The following SMG8 variants were observed in gnomAD, a reference collection of about 807,000 sequenced individuals.
The protein encoded by SMG8 is nonsense-mediated mRNA decay factor SMG8.
In SMG8, 49 loss-of-function variants were observed where a neutral mutation model predicts 82.1. That is an observed-to-expected ratio of 0.60 (90% CI 0.47 to 0.76). The LOEUF (loss-of-function observed/expected upper bound fraction) is 0.76. Ranked by LOEUF, SMG8 falls within the 30% of genes least tolerant of loss-of-function variation. The probability of loss-of-function intolerance (pLI) is 0.00; values close to 1 mark genes in which losing one functional copy is unlikely to be tolerated. For missense variants in SMG8, 969 were observed against 1,166.4 expected (o/e 0.83, Z 2.46); for synonymous variants, 404 against 430.0 (o/e 0.94, Z 0.75).
chr17:59,213,392 C>G lies in SMG8; in HGVS notation c.2569C>G (p.Arg857Gly). Residue 857 changes from arginine to glycine, a missense_variant, in exon 3 of 4, where the codon CGG (arginine) becomes GGG (glycine). By Grantham distance (125) the Arg-to-Gly change is moderately radical. Around this residue, in one of 3 missense-constraint regions of SMG8, gnomAD observed 662 missense variants for 884.8 expected, o/e 0.75. Coordinates refer to ENST00000300917, the MANE Select transcript of SMG8 (RefSeq NM_018149.7). ...CTTTGAATATGAAGACTCTCGAGGTCGGAGATTCATGTGCTCTGGGCCTGA... is the reference window on the plus strand; with the variant it reads ...CTTTGAATATGAAGACTCTCGAGGTGGGAGATTCATGTGCTCTGGGCCTGA... ...VGFEYEDSRG[R>G]RFMCSGPDKV... 1 of 1,614,006 alleles carries G rather than the reference C, an allele frequency of 6.2e-7. No individual in the cohort carries two copies. Among genetic ancestry groups the G allele is most frequent in the South Asian group, 1.1e-5 (1 of 91,058 alleles).
rs143376344 is a variant in SMG8, at chr17:59,210,455, A to G, written c.404A>G (p.Tyr135Cys). The change falls in exon 1 of 4, where the codon TAC (tyrosine) becomes TGC (cysteine). Residue 135 changes from tyrosine (Y) to cysteine (C), a missense_variant. Tyr to Cys is a radical substitution (Grantham distance 194). Around this residue, in one of 3 missense-constraint regions of SMG8, gnomAD observed 206 missense variants for 190.5 expected, o/e 1.08. Coordinates refer to ENST00000300917, the MANE Select transcript of SMG8 (RefSeq NM_018149.7). ...CGAACTGAGGCAGGCTCCCAGGACT[A>G]CAGCCTTCTGCAGGCCTACTACAGT... The part of the protein sequence containing the change: ...GNRTEAGSQD[Y>C]SLLQAYYSQE... The G allele has an allele frequency of 3.2e-5, 52 of 1,606,120 alleles. No individual in the cohort carries two copies. In the African/African-American group the frequency reaches 6.4e-4, roughly 20 times the overall value.
In SMG8 at chr17:59,210,038, G is replaced by A. The variant is rs752301549; in HGVS notation, c.-14G>A. On this transcript the variant is annotated 5_prime_UTR_variant, in exon 1 of 4. Transcript: ENST00000300917. ...ACTAACGGACCGGAAGGACTCTAGA[G>A]AACGCTCTGCACTATGGCTGGTCCC... 6.0e-6 allele frequency: 9 copies of A among 1,502,908 alleles called. No individual in the cohort carries two copies. The Admixed American group carries it at 7.1e-5, about 12-fold the overall frequency. The allele number at this position is 1,502,908 out of a possible 1,614,324, so 93.1% of individuals were successfully genotyped here. A position where few individuals can be genotyped will look rare whatever the true frequency, so the allele number is the denominator to read the frequency against.
chr17:59,213,685 C>T (rs2046955473), intron 3 of SMG8, 84 bp downstream of exon 3: 2 of 1,480,858 alleles, frequency 1.4e-6, no homozygotes, highest in Non-Finnish European at 9.0e-7. Flanking sequence ...TACAAGTTAG[C>T]CTCAAAACTA....
rs188725649 is a variant in SMG8, at chr17:59,210,372, C to T, written c.321C>T (p.Asp107=). ...GAVGEAGGAE[D]PGAAAGGSVR... ...TGGGTGAGGCCGGTGGAGCCGAGGA[C>T]CCTGGGGCTGCAGCCGGGGGTTCAG... Residue 107 remains aspartate (D), a synonymous_variant, in exon 1 of 4, where the codon GAC becomes GAT. Transcript: ENST00000300917. 9.3e-6 allele frequency: 15 copies of T among 1,610,510 alleles called. No individual in the cohort carries two copies. Among genetic ancestry groups the T allele is most frequent in the Middle Eastern group, 3.3e-4 (2 of 6,034 alleles).
At chr17:59,213,696 A>ATTATTTCAGGCGTTAGCCTCAAAACTAG in intron 3 of SMG8, 95 bp downstream of exon 3, 1 of 1,457,158 alleles carries the variant, frequency 6.9e-7, no homozygotes, top group Non-Finnish European at 9.2e-7. Context: ...CTCAAAACTA[A>ATTATTTCAGGCGTTAGCCTCAAAACTAG]TTATTTCAGG....
chr17:59,210,594 T>G lies in SMG8; in HGVS notation c.543T>G (p.Pro181=). 1 of 1,598,608 alleles carries G rather than the reference T, an allele frequency of 6.3e-7. No homozygotes were observed. The highest frequency in any genetic ancestry group is 8.5e-7 in the Non-Finnish European group (1 of 1,173,358). ...SGEAGGGLSL[P]HAEAHEFWKH... ...AAGCTGGAGGTGGACTCTCTTTACC[T>G]CATGCAGAAGCACACGAGTTCTGGA... Residue 181 remains proline (P), a synonymous_variant, in exon 1 of 4, where the codon CCT becomes CCG. Coordinates refer to ENST00000300917, the MANE Select transcript of SMG8 (RefSeq NM_018149.7).
rs2046940179 is a variant in SMG8, at chr17:59,210,396, A to G, written c.345A>G (p.Ser115=). The G allele has an allele frequency of 6.2e-7, 1 of 1,610,446 alleles. No individual in the cohort carries two copies. Among genetic ancestry groups the G allele is most frequent in the African/African-American group, 1.3e-5 (1 of 74,934 alleles). ...ACCCTGGGGCTGCAGCCGGGGGTTCAGTTCGGGGAAGTGGAGCTGTCGCGG... is the reference window on the plus strand; with the variant it reads ...ACCCTGGGGCTGCAGCCGGGGGTTCGGTTCGGGGAAGTGGAGCTGTCGCGG... ...AEDPGAAAGG[S]VRGSGAVAEG... The change falls in exon 1 of 4, where the codon TCA becomes TCG. Residue 115 remains serine, a synonymous_variant. Coordinates refer to ENST00000300917, the MANE Select transcript of SMG8 (RefSeq NM_018149.7).
At position 59,213,609 on chromosome 17, in the gene SMG8, A is replaced by T; in HGVS notation, c.2778+8A>T. On this transcript the variant is annotated splice_region_variant and intron_variant, in intron 3 of 3. Transcript: ENST00000300917. ...ATAATACTAATGCCTCAGGTAAGAA[A>T]TATAACCCTCTGCAGCCCCAAACAA... 1 of 1,584,740 alleles carries T rather than the reference A, an allele frequency of 6.3e-7. No homozygotes were observed. The highest frequency in any genetic ancestry group is 2.2e-5 in the East Asian group (1 of 44,670).
Position 59,210,357 on chromosome 17 carries a change from C to G in SMG8, c.306C>G (p.Ala102=). 1 of 1,611,460 alleles carries G rather than the reference C, an allele frequency of 6.2e-7. No individual in the cohort carries two copies. Residue 102 remains alanine, a synonymous_variant, in exon 1 of 4, where the codon GCC becomes GCG. Coordinates refer to ENST00000300917, the MANE Select transcript of SMG8 (RefSeq NM_018149.7). ...CTGAGGCTGGCGCCGTGGGTGAGGC[C>G]GGTGGAGCCGAGGACCCTGGGGCTG... The part of the protein sequence containing the change: ...IRTEAGAVGE[A]GGAEDPGAAA...
At position 59,212,910 on chromosome 17, in the gene SMG8, C is replaced by CT; in HGVS notation, c.2090dup (p.Leu697PhefsTer9). The CT allele has an allele frequency of 6.2e-7, 1 of 1,614,090 alleles. No individual in the cohort carries two copies. Among genetic ancestry groups the CT allele is most frequent in the Non-Finnish European group, 8.5e-7 (1 of 1,180,026 alleles). Reference sequence around the variant, plus strand: ...GGAGAGAGCACGAGCCTGAGTTTAGCTTTGAGTTTGGGCCAATCCACAGAT... The same window carrying CT: ...GGAGAGAGCACGAGCCTGAGTTTAGCTTTTGAGTTTGGGCCAATCCACAGAT... On this transcript the variant is annotated frameshift_variant, in exon 3 of 4. Transcript: ENST00000300917. LOFTEE classifies it high-confidence loss of function.
chr17:59,212,161 A>C, intron 1 of SMG8, 180 bp from the exon 2 acceptor site: 1 of 469,254 alleles, frequency 2.1e-6, no homozygotes, highest in East Asian at 3.3e-5. Context: ...AGGAGGAAAA[A>C]TTCACTTAAA....
In SMG8 at chr17:59,211,287, A is replaced by G. The variant is rs929580342; in HGVS notation, c.1236A>G (p.Glu412=). 1.9e-6 allele frequency: 3 copies of G among 1,613,940 alleles called. No individual in the cohort carries two copies. The highest frequency in any genetic ancestry group is 2.5e-6 in the Non-Finnish European group (3 of 1,179,958). ...SGQLVDFTLR[E]FLWQHVELVL... ...AGCTAGTGGATTTCACTCTTCGGGA[A>G]TTCCTATGGCAGCATGTGGAGCTAG... The change falls in exon 1 of 4, where the codon GAA becomes GAG. Residue 412 remains glutamate, a synonymous_variant. Transcript: ENST00000300917.
At position 59,213,602 on chromosome 17, in the gene SMG8, G is replaced by A; in HGVS notation, c.2778+1G>A. ...TTTGCAGATAATACTAATGCCTCAG[G>A]TAAGAAATATAACCCTCTGCAGCCC... On this transcript the variant is annotated splice_donor_variant, in intron 3 of 3. Coordinates refer to ENST00000300917, the MANE Select transcript of SMG8 (RefSeq NM_018149.7). LOFTEE classifies it high-confidence loss of function. 6.3e-7 allele frequency: 1 copy of A among 1,595,100 alleles called. No individual in the cohort carries two copies. The highest frequency in any genetic ancestry group is 8.5e-7 in the Non-Finnish European group (1 of 1,173,318).
chr17:59,210,084 A>G lies in SMG8; in HGVS notation c.33A>G (p.Leu11=). 1.3e-6 allele frequency: 2 copies of G among 1,578,126 alleles called. No individual in the cohort carries two copies. Among genetic ancestry groups the G allele is most frequent in the Non-Finnish European group, 1.7e-6 (2 of 1,165,284 alleles). MAGPVSLRDL[L]MGASAWMGSE... ...GTCCCGTGAGCTTGCGAGACCTTCT[A>G]ATGGGAGCATCAGCCTGGATGGGCT... Residue 11 remains leucine (L), a synonymous_variant, in exon 1 of 4, where the codon CTA becomes CTG. Transcript: ENST00000300917.
At chr17:59,213,934 C>T (rs924612276) in intron 3 of SMG8, among the ~76,000 whole-genome samples, 2 of 151,988 alleles carry the variant, frequency 1.3e-5, no homozygotes, top group Non-Finnish European at 2.9e-5. Flanking sequence ...TATTTTAATC[C>T]GTTCATGCTA....
Position 59,210,917 on chromosome 17 carries a change from A to G in SMG8, c.866A>G (p.Asp289Gly), listed in dbSNP as rs754454602. ...CGGAACCAAGACCCAGCTCATCCAG[A>G]CAAGCCCAAGAAACATTCTCCCAAA... Reference protein sequence around the residue: ...PPRNQDPAHPDKPKKHSPKRR... With the variant: ...PPRNQDPAHPGKPKKHSPKRR... Residue 289 changes from aspartate (D) to glycine (G), a missense_variant, in exon 1 of 4, where the codon GAC (aspartate) becomes GGC (glycine). Around this residue, in one of 3 missense-constraint regions of SMG8, gnomAD observed 662 missense variants for 884.8 expected, o/e 0.75. Transcript: ENST00000300917. The G allele has an allele frequency of 6.2e-7, 1 of 1,614,166 alleles. No individual in the cohort carries two copies. The highest frequency in any genetic ancestry group is 8.5e-7 in the Non-Finnish European group (1 of 1,180,040).
At position 59,211,733 on chromosome 17, in the gene SMG8, A is replaced by G. The variant is rs2046946792; in HGVS notation, c.1682A>G (p.Asn561Ser). Reference protein sequence around the residue: ...LHEDCYKFWSNGHQLCEERSL... With the variant: ...LHEDCYKFWSSGHQLCEERSL... ...GAGGACTGCTACAAATTTTGGAGCAATGGCCATCAGCTCTGTGAGGAGAGG... is the reference window on the plus strand; with the variant it reads ...GAGGACTGCTACAAATTTTGGAGCAGTGGCCATCAGCTCTGTGAGGAGAGG... Residue 561 changes from asparagine to serine, a missense_variant, in exon 1 of 4, where the codon AAT becomes AGT. Asn to Ser is a conservative substitution (Grantham distance 46). Transcript: ENST00000300917. The G allele has an allele frequency of 1.2e-6, 2 of 1,613,152 alleles. No individual in the cohort carries two copies. The highest frequency in any genetic ancestry group is 1.7e-6 in the Non-Finnish European group (2 of 1,179,752).
rs1357563716 is a variant in SMG8 at position 59,212,717 on chromosome 17, TACCC to T, written c.1906-11_1906-8del. 6.4e-7 allele frequency: 1 copy of T among 1,568,840 alleles called. No individual in the cohort carries two copies. Among genetic ancestry groups the T allele is most frequent in the Admixed American group, 2.1e-5 (1 of 47,296 alleles). ...GAAAAACTTACTGGATTTTTTTTCTTACCCTCTATAGCTTCTGGAAGAAAAGTGT... is the reference window on the plus strand; with the variant it reads ...GAAAAACTTACTGGATTTTTTTTCTTTCTATAGCTTCTGGAAGAAAAGTGT... On this transcript the variant is annotated splice_region_variant and splice_polypyrimidine_tract_variant and intron_variant, in intron 2 of 3. Transcript: ENST00000300917.
At chr17:59,214,007 G>T (rs1435938048) in intron 3 of SMG8, among the ~76,000 whole-genome samples, 1 of 152,104 alleles carries the variant, frequency 6.6e-6, no homozygotes, top group Non-Finnish European at 1.5e-5. Context: ...AAAAGGCCGG[G>T]TACAGTGAGT....
Sources: allele counts gnomAD v4.1 joint callset (sites outside exome capture counted in the v4.1 genomes callset), GRCh38; gene constraint gnomAD v4.1.1; regional missense constraint gnomAD v4.1.1; transcripts MANE v1.5; gene names NCBI Gene and HGNC (gene_info 2026-07-23, HGNC 2026-07-21).